SLC13A2: variants seen among roughly 807,000 people sequenced by gnomAD.
SLC13A2 encodes Na(+)-coupled citrate transporter.
A neutral mutation model predicts 58.5 loss-of-function variants in SLC13A2; 40 were observed. The observed-to-expected ratio is 0.68, with a 90% CI of 0.53 to 0.89. The LOEUF (loss-of-function observed/expected upper bound fraction) is 0.89, where lower values mean the gene tolerates loss of function less well. SLC13A2 is among the 40% of genes least tolerant of loss of function. The probability of loss-of-function intolerance (pLI) is 0.00; values close to 1 mark genes in which losing one functional copy is unlikely to be tolerated. For synonymous variants in SLC13A2, 341 were observed against 331.6 expected (o/e 1.03, Z -0.31); for missense variants, 694 against 772.6 (o/e 0.90, Z 1.21).
rs939150607 is a variant in SLC13A2 at position 28,473,923 on chromosome 17, G to A, written c.102+109G>A. The A allele has an allele frequency of 4.3e-5, 38 of 880,344 alleles. No homozygotes were observed. In the South Asian group the frequency reaches 5.9e-4, roughly 14 times the overall value. The allele number at this position is 880,344 out of a possible 1,614,324, so 54.5% of individuals were successfully genotyped here. A position where few individuals can be genotyped will look rare whatever the true frequency, so the allele number is the denominator to read the frequency against. On this transcript the variant is annotated intron_variant, in intron 1 of 11. Transcript: ENST00000314669. ...CCAGCATAACTTCCTCACTGCCCCT[G>A]CCCTGGAAGTGAGGCTATCGCCCCC...
rs200385517 is a variant in SLC13A2 at position 28,490,590 on chromosome 17, C to T, written c.368C>T (p.Pro123Leu). 2.1e-5 allele frequency: 34 copies of T among 1,595,336 alleles called. No homozygotes were observed. Among genetic ancestry groups the T allele is most frequent in the Admixed American group, 3.4e-5 (2 of 59,422 alleles). The part of the protein sequence containing the change: ...VLLIVGVRPA[P>L]LILGFMLVTA... ...CTCATCGTTGGGGTGCGGCCTGCCC[C>T]GTGAGTTCCTCCTGCAAACCAGCAC... Residue 123 changes from proline (P) to leucine (L), a missense_variant and splice_region_variant, in exon 3 of 12, where the codon CCG becomes CTG. Transcript: ENST00000314669.
intron 5 of SLC13A2, 24 bp from the exon 6 acceptor site, chr17:28,491,706 C>T (rs369318590): frequency 3.2e-5 from 51 of 1,612,730 alleles, no homozygotes; most frequent in Middle Eastern, 1.6e-4. Context: ...CAATGTCACA[C>T]GGCAGCCCAT....
chr17:28,475,526 C>G (rs996577211), intron 1 of SLC13A2, among the ~76,000 whole-genome samples: 53 of 152,232 alleles, frequency 3.5e-4, no homozygotes, highest in African/African-American at 1.3e-3. Context: ...AGGCCACGCT[C>G]CTTCCAGGAT....
rs540937907 is a variant in SLC13A2, at chr17:28,477,298, A to C, written c.102+3484A>C. Among the ~76,000 whole-genome samples, 1,231 of 137,248 alleles carry C rather than the reference A, an allele frequency of 9.0e-3. 6 individuals are homozygous for C. The highest frequency in any genetic ancestry group is 0.014 in the Non-Finnish European group (931 of 65,368). The allele number at this position is 137,248 out of a possible 152,430, so 90.0% of individuals were successfully genotyped here. ...AAGCTCCGCCTCCCAGGTTCATGCC[A>C]TTCTCCTGCCTTAGCCTCCCGAGTA... On this transcript the variant is annotated intron_variant, in intron 1 of 11. Coordinates refer to ENST00000314669, the MANE Select transcript of SLC13A2 (RefSeq NM_003984.4).
intron 6 of SLC13A2, among the ~76,000 whole-genome samples, chr17:28,493,160 A>G (rs78122331): frequency 0.15 from 22,070 of 152,202 alleles, 2,031 homozygotes; most frequent in East Asian, 0.29. Flanking sequence ...CTCTGAGGAC[A>G]ATGCAGGTGG....
intron 1 of SLC13A2, chr17:28,487,658 G>T: frequency 1.3e-6 from 1 of 795,204 alleles, no homozygotes; most frequent in Non-Finnish European, 1.5e-6. Context: ...AGTCCAAGGG[G>T]AGGGTAACTG....
rs1555604104 is a variant in SLC13A2 at position 28,493,899 on chromosome 17, G to T, written c.1097+110G>T. 36 of 1,462,470 alleles carry T rather than the reference G, an allele frequency of 2.5e-5. No individual in the cohort carries two copies. In the East Asian group the frequency reaches 8.0e-4, roughly 32 times the overall value. 90.6% of individuals were successfully genotyped at this position (1,462,470 alleles called of 1,614,324 possible). ...GAACAGGAGGTAACACTTGGTGGGGGATGAAGGTTCCCCAGGCTTGTCTAT... is the reference window on the plus strand; with the variant it reads ...GAACAGGAGGTAACACTTGGTGGGGTATGAAGGTTCCCCAGGCTTGTCTAT... On this transcript the variant is annotated intron_variant, in intron 7 of 11. Transcript: ENST00000314669.
chr17:28,487,684 C>T (rs998909505), intron 1 of SLC13A2: 45 of 586,416 alleles, frequency 7.7e-5, no homozygotes, highest in East Asian at 5.7e-4. Flanking sequence ...TCAGTCATTG[C>T]GGGTGAGGAA....
At position 28,495,892 on chromosome 17, in the gene SLC13A2, G is replaced by C; in HGVS notation, c.1470+76G>C. 3 of 1,514,770 alleles carry C rather than the reference G, an allele frequency of 2.0e-6. No individual in the cohort carries two copies. In the South Asian group the frequency reaches 3.7e-5, roughly 19 times the overall value. 93.8% of individuals were successfully genotyped at this position (1,514,770 alleles called of 1,614,324 possible). ...CACCAGGGGTTCTGCCTGCTGGGCA[G>C]AGTATCCTGTCTTTGCACCTCCTCT... is the stretch of plus-strand genomic sequence containing the variant. On this transcript the variant is annotated intron_variant, in intron 10 of 11. Coordinates refer to ENST00000314669, the MANE Select transcript of SLC13A2 (RefSeq NM_003984.4).
In SLC13A2 at chr17:28,491,576, T is replaced by G. The variant is rs375660512; in HGVS notation, c.714T>G (p.Thr238=). The change falls in exon 5 of 12, where the codon ACT becomes ACG. Residue 238 remains threonine, a synonymous_variant. Coordinates refer to ENST00000314669, the MANE Select transcript of SLC13A2 (RefSeq NM_003984.4). Reference sequence around the variant, plus strand: ...GCATCGGGGGCATCGCCACGCTGACTGGCACCGCACCCAACCTGGTGCTGC... The same window carrying G: ...GCATCGGGGGCATCGCCACGCTGACGGGCACCGCACCCAACCTGGTGCTGC... ...SASIGGIATL[T]GTAPNLVLQG... is the part of the protein sequence containing the mutation. 5.0e-6 allele frequency: 8 copies of G among 1,613,472 alleles called. No individual in the cohort carries two copies. In the East Asian group the frequency reaches 1.6e-4, roughly 31 times the overall value.
chr17:28,477,003 C>G (rs1268415638), intron 1 of SLC13A2, among the ~76,000 whole-genome samples: 1 of 149,648 alleles, frequency 6.7e-6, no homozygotes, highest in African/African-American at 2.5e-5. Context: ...TAAAAAAAAA[C>G]ACAAAAATTA....
chr17:28,488,631 T>C (rs782747043), intron 1 of SLC13A2, among the ~76,000 whole-genome samples: 1 of 152,166 alleles, frequency 6.6e-6, no homozygotes, highest in Non-Finnish European at 1.5e-5. Context: ...CACAAGCATC[T>C]TGGGGGAAAC....
At chr17:28,483,404 G>T in intron 1 of SLC13A2, among the ~76,000 whole-genome samples, 1 of 152,080 alleles carries the variant, frequency 6.6e-6, no homozygotes, top group South Asian at 2.1e-4. Flanking sequence ...GAGGAGAGAG[G>T]ATTGCTTGAG....
At chr17:28,489,413 T>C in intron 2 of SLC13A2, 71 bp downstream of exon 2, 3 of 1,523,080 alleles carry the variant, frequency 2.0e-6, no homozygotes, top group Non-Finnish European at 2.6e-6. Flanking sequence ...CCTCAGCCCT[T>C]GTTGACAAAG....
At position 28,473,826 on chromosome 17, in the gene SLC13A2, G is replaced by A. The variant is rs782712765; in HGVS notation, c.102+12G>A. On this transcript the variant is annotated intron_variant, in intron 1 of 11. Coordinates refer to ENST00000314669, the MANE Select transcript of SLC13A2 (RefSeq NM_003984.4). Reference sequence around the variant, plus strand: ...TCGTCCCCAGTAAGGTAAGGACTTGGTGTTCTGAGCACAGATAACTCCAGG... The same window carrying A: ...TCGTCCCCAGTAAGGTAAGGACTTGATGTTCTGAGCACAGATAACTCCAGG... The A allele has an allele frequency of 1.9e-6, 3 of 1,612,272 alleles. No homozygotes were observed. In the Admixed American group the frequency reaches 5.0e-5, roughly 27 times the overall value.
intron 1 of SLC13A2, among the ~76,000 whole-genome samples, chr17:28,474,612 G>C (rs2068640344): frequency 6.6e-6 from 1 of 152,118 alleles, no homozygotes; most frequent in South Asian, 2.1e-4. Flanking sequence ...GCAGATCCAA[G>C]TTTCATGGAA....
At position 28,496,679 on chromosome 17, in the gene SLC13A2, A is replaced by G; in HGVS notation, c.1608+92A>G. The G allele has an allele frequency of 6.6e-7, 1 of 1,506,108 alleles. No homozygotes were observed. 93.3% of individuals were successfully genotyped at this position (1,506,108 alleles called of 1,614,324 possible). ...CACAAAGCAGCTTAAAGCCACTGAG[A>G]GTCTCAGAGTTGAGCGGGTCCTCAT... On this transcript the variant is annotated intron_variant, in intron 11 of 11. Coordinates refer to ENST00000314669, the MANE Select transcript of SLC13A2 (RefSeq NM_003984.4). This position sits in a 1 kb window ranked among gnomAD's most constrained non-coding sequence, Gnocchi z 4.2.
chr17:28,494,548 A>G lies in SLC13A2; in HGVS notation c.1308+36A>G. The G allele has an allele frequency of 6.2e-7, 1 of 1,612,564 alleles. No homozygotes were observed. The highest frequency in any genetic ancestry group is 8.5e-7 in the Non-Finnish European group (1 of 1,179,262). On this transcript the variant is annotated intron_variant, in intron 9 of 11. Coordinates refer to ENST00000314669, the MANE Select transcript of SLC13A2 (RefSeq NM_003984.4). The surrounding 1 kb of genome is among the most constrained non-coding windows in gnomAD (Gnocchi z 4.0). Reference sequence around the variant, plus strand: ...CCCAGCCCCCTCCTCAGCCTGTGTGAGGGTGTCTCTGTGGCAGGGAGAGAG... The same window carrying G: ...CCCAGCCCCCTCCTCAGCCTGTGTGGGGGTGTCTCTGTGGCAGGGAGAGAG...
At chr17:28,477,524 G>A (rs1245723302) in intron 1 of SLC13A2, among the ~76,000 whole-genome samples, 5 of 152,012 alleles carry the variant, frequency 3.3e-5, no homozygotes, top group African/African-American at 9.7e-5. Context: ...AGAAAGGAAG[G>A]AATGTGCACA....
Sources: gnomAD v4.1 joint callset for allele counts (sites outside exome capture counted in the v4.1 genomes callset) on GRCh38, gnomAD v4.1.1 for gene constraint, Gnocchi (gnomAD v3.1) non-coding constraint, MANE v1.5 for transcripts, NCBI Gene and HGNC (gene_info 2026-07-23, HGNC 2026-07-21) for gene names.